SNRPC: variants seen among roughly 807,000 people sequenced by gnomAD.
SNRPC encodes small nuclear ribonucleoprotein polypeptide C, also known as U1 small nuclear ribonucleoprotein C.
Under a neutral mutation model 20.0 loss-of-function variants are expected in SNRPC, and 5 were observed. The observed-to-expected ratio is 0.25, with a 90% CI of 0.13 to 0.53. SNRPC has a LOEUF of 0.53. Ranked by LOEUF, SNRPC falls within the 20% of genes least tolerant of loss-of-function variation. The pLI, the probability that SNRPC is intolerant of heterozygous loss-of-function variation, is 0.96. For missense variants in SNRPC, 112 were observed against 224.1 expected, an observed-to-expected ratio of 0.50 and a Z score of 3.19; for synonymous variants, 61 against 58.7, an observed-to-expected ratio of 1.04 and a Z score of -0.18.
At chr6:34,761,902 T>C (rs1764542255) in intron 2 of SNRPC, among the ~76,000 whole-genome samples, 1 of 152,092 alleles carries the variant, frequency 6.6e-6, no homozygotes, top group African/African-American at 2.4e-5. Flanking sequence ...AGCCTTGATC[T>C]CCTGGGCTCA....
intron 3 of SNRPC, among the ~76,000 whole-genome samples, chr6:34,764,638 G>T (rs544005923): frequency 6.6e-6 from 1 of 152,008 alleles, no homozygotes; most frequent in Non-Finnish European, 1.5e-5. Context: ...ACTCCAACCT[G>T]GGTGACAGAG....
At chr6:34,767,302 A>G (rs531888875) in intron 3 of SNRPC, among the ~76,000 whole-genome samples, 5 of 152,392 alleles carry the variant, frequency 3.3e-5, no homozygotes, top group African/African-American at 4.8e-5. Flanking sequence ...CTATAGATTA[A>G]AGATGACTGT....
intron 3 of SNRPC, among the ~76,000 whole-genome samples, chr6:34,765,899 AG>A (rs1764607474): frequency 6.6e-6 from 1 of 150,730 alleles, no homozygotes; most frequent in Non-Finnish European, 1.5e-5. Context: ...CCACTATGCC[AG>A]GTTAATTTTG....
intron 3 of SNRPC, 41 bp downstream of exon 3, chr6:34,762,744 T>C: frequency 1.0e-6 from 1 of 990,990 alleles, no homozygotes; most frequent in Non-Finnish European, 1.6e-6. Context: ...AAAATGGTCC[T>C]ATTCTTTCTT....
intron 3 of SNRPC, among the ~76,000 whole-genome samples, chr6:34,766,969 A>G (rs1764620962): frequency 6.6e-6 from 1 of 152,112 alleles, no homozygotes; most frequent in Non-Finnish European, 1.5e-5. Flanking sequence ...TTCTTTTCTA[A>G]CACTAAATAT....
chr6:34,759,723 GA>G (rs1481593984), intron 2 of SNRPC, among the ~76,000 whole-genome samples: 1 of 152,158 alleles, frequency 6.6e-6, no homozygotes, highest in Non-Finnish European at 1.5e-5. Context: ...TCAATACAGT[GA>G]AAAAGGAAAG....
intron 2 of SNRPC, among the ~76,000 whole-genome samples, chr6:34,760,111 C>CTTT (rs201265600): frequency 8.1e-6 from 1 of 123,404 alleles, no homozygotes; most frequent in Non-Finnish European, 1.7e-5. Flanking sequence ...TGTATATTAT[C>CTTT]TTTTTTTTTT....
chr6:34,764,942 A>G (rs1380791617), intron 3 of SNRPC, among the ~76,000 whole-genome samples: 1 of 151,762 alleles, frequency 6.6e-6, no homozygotes, highest in Non-Finnish European at 1.5e-5. Flanking sequence ...AATCGCTTGA[A>G]CCCGGGAGGT....
intron 4 of SNRPC, 93 bp from the exon 5 acceptor site, chr6:34,770,198 G>A (rs1581593503): frequency 2.1e-6 from 2 of 940,816 alleles, no homozygotes; most frequent in South Asian, 2.6e-5. Context: ...CTCCGGCCTG[G>A]GCAACAAGAA....
At chr6:34,770,258 C>T in intron 4 of SNRPC, 33 bp from the exon 5 acceptor site, 1 of 1,404,150 alleles carries the variant, frequency 7.1e-7, no homozygotes, top group Non-Finnish European at 1.0e-6. Flanking sequence ...TATGTGAGCA[C>T]ACCTTAACCA....
chr6:34,764,217 C>T (rs1214055599), intron 3 of SNRPC, among the ~76,000 whole-genome samples: 8 of 151,354 alleles, frequency 5.3e-5, no homozygotes, highest in Non-Finnish European at 1.0e-4. Context: ...TGGTGGCTCA[C>T]GCCTGTAATC....
rs892115580 is a variant in SNRPC at position 34,765,850 on chromosome 6, G to A, written c.161-2058G>A. Among the ~76,000 whole-genome samples, 24 of 151,870 alleles carry A rather than the reference G, an allele frequency of 1.6e-4. No individual in the cohort carries two copies. In the South Asian group the frequency reaches 2.7e-3, roughly 17 times the overall value. ...AATTTCTGGGCTCAGGTGATCCTCC[G>A]GTCTTGGCCTCCTGAGTAGGTAGGG... is the stretch of plus-strand genomic sequence containing the variant. On this transcript the variant is annotated intron_variant, in intron 3 of 5. Coordinates refer to ENST00000244520, the MANE Select transcript of SNRPC (RefSeq NM_003093.3).
At position 34,773,611 on chromosome 6, in the gene SNRPC, T is replaced by C. The variant is rs757138285; in HGVS notation, c.*41T>C. On this transcript the variant is annotated 3_prime_UTR_variant, in exon 6 of 6. Coordinates refer to ENST00000244520, the MANE Select transcript of SNRPC (RefSeq NM_003093.3). The surrounding 1 kb of genome is among the most constrained non-coding windows in gnomAD (Gnocchi z 4.1). The stretch of plus-strand genomic sequence containing the variant: ...CTTATTGTATCGGTTTTATATTACC[T>C]GTTCTGCTTCACCAGGAGATCATGC... 7 of 1,586,822 alleles carry C rather than the reference T, an allele frequency of 4.4e-6. No homozygotes were observed.
At chr6:34,764,644 C>G (rs1345617026) in intron 3 of SNRPC, among the ~76,000 whole-genome samples, 2 of 151,596 alleles carry the variant, frequency 1.3e-5, no homozygotes, top group Non-Finnish European at 2.9e-5. Flanking sequence ...ACCTGGGTGA[C>G]AGAGTGAGAC....
Position 34,773,627 on chromosome 6 carries a change from G to C in SNRPC, c.*57G>C. The C allele has an allele frequency of 2.0e-6, 3 of 1,516,850 alleles. No homozygotes were observed. The Admixed American group carries it at 5.1e-5, about 26-fold the overall frequency. The allele number at this position is 1,516,850 out of a possible 1,614,324, so 94.0% of individuals were successfully genotyped here. A position where few individuals can be genotyped will look rare whatever the true frequency, so the allele number is the denominator to read the frequency against. On this transcript the variant is annotated 3_prime_UTR_variant, in exon 6 of 6. Transcript: ENST00000244520. The surrounding 1 kb of genome is among the most constrained non-coding windows in gnomAD (Gnocchi z 4.1). ...TATATTACCTGTTCTGCTTCACCAG[G>C]AGATCATGCTGCTGTGATACTGAGT...
At chr6:34,766,571 G>C (rs182858205) in intron 3 of SNRPC, among the ~76,000 whole-genome samples, 1 of 152,078 alleles carries the variant, frequency 6.6e-6, no homozygotes, top group Non-Finnish European at 1.5e-5. Context: ...TTTTGAGAAT[G>C]GGGGGGAGCC....
intron 3 of SNRPC, 67 bp from the exon 4 acceptor site, chr6:34,767,841 A>G: frequency 6.8e-7 from 1 of 1,465,848 alleles, no homozygotes; most frequent in Non-Finnish European, 9.0e-7. Flanking sequence ...GAAAGTGGTT[A>G]TTTTAGTTAC....
chr6:34,767,729 G>A (rs137950157), intron 3 of SNRPC, among the ~76,000 whole-genome samples, 179 bp from the exon 4 acceptor site: 1,915 of 152,184 alleles, frequency 0.013, 18 homozygotes, highest in Middle Eastern at 0.024. Flanking sequence ...ACTTTTAGCC[G>A]GTGAATACCT....
chr6:34,760,424 T>C (rs999152504), intron 2 of SNRPC, among the ~76,000 whole-genome samples: 5 of 152,076 alleles, frequency 3.3e-5, no homozygotes, highest in African/African-American at 9.7e-5. Context: ...CTCTGATAAA[T>C]TGGTATTTTT....
Sources: allele counts gnomAD v4.1 joint callset (sites outside exome capture counted in the v4.1 genomes callset), GRCh38; gene constraint gnomAD v4.1.1; non-coding constraint Gnocchi (gnomAD v3.1); transcripts MANE v1.5; gene names NCBI Gene and HGNC (gene_info 2026-07-23, HGNC 2026-07-21).